Variants in ZBTB7C observed in about 807,000 individuals in gnomAD.
ZBTB7C encodes zinc finger and BTB domain-containing protein 7C.
A neutral mutation model predicts 25.7 loss-of-function variants in ZBTB7C; 8 were observed. That is an observed-to-expected ratio of 0.31 (90% CI 0.18 to 0.56). The LOEUF (loss-of-function observed/expected upper bound fraction) is 0.56, where lower values mean the gene tolerates loss of function less well. Among genes scored for constraint, ZBTB7C ranks in the 20% least tolerant of loss-of-function variants. ZBTB7C has a pLI of 0.91. For synonymous variants in ZBTB7C, 394 were observed against 369.0 expected (o/e 1.07, Z -0.78); for missense variants, 824 against 855.2 (o/e 0.96, Z 0.46).
chr18:48,382,633 G>A (rs2047658733), intron 1 of ZBTB7C, among the ~76,000 whole-genome samples: 1 of 152,232 alleles, frequency 6.6e-6, no homozygotes, highest in African/African-American at 2.4e-5. Flanking sequence ...AAAGAAGGTT[G>A]ATGATGCAGA....
chr18:48,204,897 C>T (rs1223818825), intron 2 of ZBTB7C, among the ~76,000 whole-genome samples: 1 of 152,150 alleles, frequency 6.6e-6, no homozygotes, highest in African/African-American at 2.4e-5. Context: ...TGGCAATTCT[C>T]ATTTGGCTGC....
At chr18:48,228,591 A>G (rs1432934048) in intron 2 of ZBTB7C, among the ~76,000 whole-genome samples, 1 of 152,094 alleles carries the variant, frequency 6.6e-6, no homozygotes, top group East Asian at 1.9e-4. Flanking sequence ...TGCAGCAGGA[A>G]GAAGGGCAGT....
At chr18:48,290,675 G>A (rs1001707826) in intron 2 of ZBTB7C, among the ~76,000 whole-genome samples, 4 of 152,154 alleles carry the variant, frequency 2.6e-5, no homozygotes, top group African/African-American at 7.2e-5. Flanking sequence ...TGCCGCAGGC[G>A]CCCGTCCCCT....
At chr18:48,387,454 G>A (rs1382205031) in intron 1 of ZBTB7C, among the ~76,000 whole-genome samples, 6 of 152,116 alleles carry the variant, frequency 3.9e-5, no homozygotes, top group Admixed American at 1.3e-4. Context: ...TGGAAAACAC[G>A]GTCATCTGAA....
At chr18:48,354,155 C>G (rs561478164) in intron 1 of ZBTB7C, among the ~76,000 whole-genome samples, 1 of 152,106 alleles carries the variant, frequency 6.6e-6, no homozygotes, top group Non-Finnish European at 1.5e-5. Flanking sequence ...TTCTTTGAGG[C>G]CTGAACAAAC....
chr18:48,036,479 G>A (rs561073984), intron 4 of ZBTB7C, among the ~76,000 whole-genome samples: 13 of 152,328 alleles, frequency 8.5e-5, no homozygotes, highest in Admixed American at 3.9e-4. Flanking sequence ...CATGGGGTGG[G>A]GCGGGGAGGG....
chr18:48,216,100 T>C (rs1312435140), intron 2 of ZBTB7C, among the ~76,000 whole-genome samples: 1 of 152,220 alleles, frequency 6.6e-6, no homozygotes, highest in Non-Finnish European at 1.5e-5. Flanking sequence ...TTTTCGGGTT[T>C]CTATGGAATC....
At chr18:48,394,497 T>C (rs903005484) in intron 1 of ZBTB7C, among the ~76,000 whole-genome samples, 6 of 152,212 alleles carry the variant, frequency 3.9e-5, no homozygotes, top group African/African-American at 1.4e-4. Flanking sequence ...TTTTGATAAA[T>C]CTTTTCTTTT....
rs568994550 is a variant in ZBTB7C, at chr18:48,313,938, T to C, written c.-79+24236A>G. Among the ~76,000 whole-genome samples the C allele has an allele frequency of 6.4e-4, 97 of 152,334 alleles. No homozygotes were observed. In the South Asian group the frequency reaches 0.019, roughly 30 times the overall value. On this transcript the variant is annotated intron_variant, in intron 2 of 4. Transcript: ENST00000590800. Reference sequence around the variant, plus strand: ...GTTCTCACTCAGTTCATGTGAGATCTGGTTGTTTAAGAGTCTGGGACCACC... The same window carrying C: ...GTTCTCACTCAGTTCATGTGAGATCCGGTTGTTTAAGAGTCTGGGACCACC...
intron 1 of ZBTB7C, among the ~76,000 whole-genome samples, chr18:48,364,759 T>A (rs878932794): frequency 6.6e-6 from 1 of 152,252 alleles, no homozygotes; most frequent in Admixed American, 6.5e-5. Flanking sequence ...CCAGAGGTAT[T>A]GTATGCAAAC....
At chr18:48,042,532 AAGGCAG>A (rs887813158) in intron 3 of ZBTB7C, among the ~76,000 whole-genome samples, 2 of 152,196 alleles carry the variant, frequency 1.3e-5, no homozygotes, top group East Asian at 1.9e-4. Context: ...CTGTCCTGGG[AAGGCAG>A]AGGCAGGGGG....
At chr18:48,319,502 T>C (rs1312963269) in intron 2 of ZBTB7C, among the ~76,000 whole-genome samples, 3 of 152,170 alleles carry the variant, frequency 2.0e-5, no homozygotes, top group Non-Finnish European at 4.4e-5. Context: ...ACTCCACACA[T>C]GTTTTTTATA....
intron 1 of ZBTB7C, among the ~76,000 whole-genome samples, chr18:48,377,426 G>T (rs572557219): frequency 7.0e-4 from 107 of 152,314 alleles, no homozygotes; most frequent in African/African-American, 2.4e-3. Flanking sequence ...AGAAGCAAGA[G>T]AGCATTACTG....
intron 3 of ZBTB7C, among the ~76,000 whole-genome samples, chr18:48,041,788 T>C (rs1371911813): frequency 6.6e-6 from 1 of 151,896 alleles, no homozygotes; most frequent in Non-Finnish European, 1.5e-5. Context: ...TATCTGAGAG[T>C]GATTTCACCT....
intron 1 of ZBTB7C, among the ~76,000 whole-genome samples, chr18:48,345,063 C>G (rs2046695888): frequency 6.6e-6 from 1 of 152,174 alleles, no homozygotes; most frequent in Non-Finnish European, 1.5e-5. Flanking sequence ...CAGTCAAACC[C>G]AAAAATAAAG....
At chr18:48,340,612 C>T (rs776320778) in intron 1 of ZBTB7C, among the ~76,000 whole-genome samples, 14 of 152,066 alleles carry the variant, frequency 9.2e-5, no homozygotes, top group Non-Finnish European at 1.6e-4. Flanking sequence ...GCAGCTGTGG[C>T]CCCAGAGGCA....
At chr18:48,386,855 C>T (rs1178530811) in intron 1 of ZBTB7C, among the ~76,000 whole-genome samples, 2 of 152,172 alleles carry the variant, frequency 1.3e-5, no homozygotes, top group South Asian at 2.1e-4. Flanking sequence ...TCTATCTTCC[C>T]AAGTCTCCCA....
At chr18:48,248,307 A>G (rs2043753833) in intron 2 of ZBTB7C, among the ~76,000 whole-genome samples, 1 of 152,176 alleles carries the variant, frequency 6.6e-6, no homozygotes, top group African/African-American at 2.4e-5. Context: ...TCTTCTCTAC[A>G]AATTACCCAG....
chr18:48,300,536 GT>G (rs879523959), intron 2 of ZBTB7C, among the ~76,000 whole-genome samples: 3 of 152,042 alleles, frequency 2.0e-5, no homozygotes, highest in Admixed American at 6.6e-5. Context: ...CAGCCAGGTC[GT>G]TTTTTTACTC....
Sources: allele counts gnomAD v4.1 joint callset (sites outside exome capture counted in the v4.1 genomes callset), GRCh38; gene constraint gnomAD v4.1.1; transcripts MANE v1.5; gene names NCBI Gene and HGNC (gene_info 2026-07-23, HGNC 2026-07-21).